Variants in CRB1 observed in about 807,000 individuals in gnomAD.
The protein encoded by CRB1 is protein crumbs homolog 1.
CRB1 carries 83 observed loss-of-function variants against 120.0 expected under a neutral mutation model. The ratio of observed to expected loss-of-function variants is 0.69; its 90% CI spans 0.58 to 0.83. The LOEUF (loss-of-function observed/expected upper bound fraction) is 0.83, where lower values mean the gene tolerates loss of function less well. Among genes scored for constraint, CRB1 ranks in the 40% least tolerant of loss-of-function variants. The probability of loss-of-function intolerance (pLI) is 0.00; values close to 1 mark genes in which losing one functional copy is unlikely to be tolerated. For missense variants in CRB1, 1,699 were observed against 1,687.6 expected (o/e 1.01, Z -0.12); for synonymous variants, 625 against 612.5 (o/e 1.02, Z -0.30).
chr1:197,420,475 C>A (rs1164495643), intron 5 of CRB1, among the ~76,000 whole-genome samples: 1 of 152,052 alleles, frequency 6.6e-6, no homozygotes, highest in Non-Finnish European at 1.5e-5. Flanking sequence ...CCTTAGAAGT[C>A]CTTCATGGTG....
the CRB1 span, among the ~76,000 whole-genome samples, chr1:197,231,944 T>A: frequency 6.6e-6 from 1 of 152,142 alleles, no homozygotes; most frequent in African/African-American, 2.4e-5. Context: ...CTTCATAGTT[T>A]AAGGGACTTT....
chr1:197,279,345 C>G (rs1655392847), intron 1 of CRB1, among the ~76,000 whole-genome samples: 1 of 151,680 alleles, frequency 6.6e-6, no homozygotes, highest in Non-Finnish European at 1.5e-5. Context: ...AGACTAGGAG[C>G]CTTAAAAGAA....
At chr1:197,349,758 A>G (rs1384698556) in intron 4 of CRB1, among the ~76,000 whole-genome samples, 2 of 152,246 alleles carry the variant, frequency 1.3e-5, no homozygotes, top group African/African-American at 4.8e-5. Flanking sequence ...CCACTTGCAG[A>G]TAATAAATGA....
At chr1:197,288,963 T>A (rs1035286422) in intron 1 of CRB1, among the ~76,000 whole-genome samples, 1 of 135,106 alleles carries the variant, frequency 7.4e-6, no homozygotes, top group African/African-American at 2.7e-5. Flanking sequence ...AAACTATGAA[T>A]ACATAGGTTA....
At chr1:197,396,122 A>G (rs1220046889) in intron 5 of CRB1, among the ~76,000 whole-genome samples, 1 of 152,176 alleles carries the variant, frequency 6.6e-6, no homozygotes, top group Non-Finnish European at 1.5e-5. Context: ...AAGAGACTAG[A>G]ACAAATAACT....
intron 6 of CRB1, among the ~76,000 whole-genome samples, chr1:197,424,949 A>G (rs1001890997): frequency 3.9e-5 from 6 of 152,170 alleles, no homozygotes; most frequent in African/African-American, 1.4e-4. Context: ...GTAGCAAATC[A>G]CACATGCTGA....
the CRB1 span, among the ~76,000 whole-genome samples, chr1:197,244,839 C>T: frequency 6.6e-6 from 1 of 151,766 alleles, no homozygotes; most frequent in Non-Finnish European, 1.5e-5. Flanking sequence ...CCACAGATTC[C>T]TTATGCTTAG....
In CRB1 at chr1:197,434,743, A is replaced by T. The variant is rs1023684152; in HGVS notation, c.2880A>T (p.Gln960His). 5 of 1,613,532 alleles carry T rather than the reference A, an allele frequency of 3.1e-6. No individual in the cohort carries two copies. The African/African-American group carries it at 6.7e-5, about 22-fold the overall frequency. The part of the protein sequence containing the change: ...ANAVFNGQSG[Q>H]ILFRSNGNIT... ...CTGTTTTTAATGGACAAAGCGGTCA[A>T]ATATTATTCAGAAGCAATGGGAATA... Residue 960 changes from glutamine (Q) to histidine (H), a missense_variant, in exon 9 of 12, where the codon CAA becomes CAT. Gln to His is a conservative substitution (Grantham distance 24). Transcript: ENST00000367400.
chr1:197,255,971 A>ATG, the CRB1 span, among the ~76,000 whole-genome samples: 1 of 114,268 alleles, frequency 8.8e-6, no homozygotes, highest in African/African-American at 4.1e-5. Flanking sequence ...CATTTTATAT[A>ATG]TATATATATA....
intron 1 of CRB1, among the ~76,000 whole-genome samples, chr1:197,292,656 C>A (rs547605220): frequency 4.5e-4 from 69 of 152,180 alleles, no homozygotes; most frequent in African/African-American, 1.4e-3. Flanking sequence ...ATGAGAAAAT[C>A]CTCAATAAAA....
chr1:197,297,448 C>T (rs1656597175), intron 1 of CRB1, among the ~76,000 whole-genome samples: 1 of 151,982 alleles, frequency 6.6e-6, no homozygotes, highest in African/African-American at 2.4e-5. Flanking sequence ...ATGGCCAGTA[C>T]TTCCATCAAC....
chr1:197,220,965 A>G, the CRB1 span, among the ~76,000 whole-genome samples: 1 of 152,152 alleles, frequency 6.6e-6, no homozygotes, highest in Non-Finnish European at 1.5e-5. Flanking sequence ...ACCCAGTCTC[A>G]GGTAGTTCTG....
At chr1:197,401,205 A>C (rs976377858) in intron 5 of CRB1, among the ~76,000 whole-genome samples, 4 of 151,910 alleles carry the variant, frequency 2.6e-5, no homozygotes, top group African/African-American at 9.7e-5. Context: ...GGGTTTTTTT[A>C]AATTGGTGTT....
rs550148038 is a variant in CRB1, at chr1:197,425,475, A to G, written c.2129-1979A>G. ...AACTTCAGCTGGGCCATATGATGAC[A>G]TTTAGACATGCTGAAATATGCTCTT... On this transcript the variant is annotated intron_variant, in intron 6 of 11. Transcript: ENST00000367400. Among the ~76,000 whole-genome samples, 198 of 152,348 alleles carry G rather than the reference A, an allele frequency of 1.3e-3. 1 individual carries two copies. The highest frequency in any genetic ancestry group is 3.4e-3 in the Middle Eastern group (1 of 294).
intron 5 of CRB1, among the ~76,000 whole-genome samples, chr1:197,368,490 T>C (rs1399465066): frequency 6.6e-6 from 1 of 152,228 alleles, no homozygotes; most frequent in Non-Finnish European, 1.5e-5. Flanking sequence ...AGGACAGGTA[T>C]ACCACGTTAT....
At chr1:197,396,819 C>T (rs899302176) in intron 5 of CRB1, among the ~76,000 whole-genome samples, 2 of 152,074 alleles carry the variant, frequency 1.3e-5, no homozygotes, top group Non-Finnish European at 2.9e-5. Context: ...AAACTAACTC[C>T]ATTAAAACTC....
intron 9 of CRB1, among the ~76,000 whole-genome samples, 164 bp from the exon 10 acceptor site, chr1:197,438,383 G>T (rs1257355560): frequency 6.6e-6 from 1 of 152,162 alleles, no homozygotes; most frequent in African/African-American, 2.4e-5. Context: ...TTTTACTGGA[G>T]AAAGTGATTC....
intron 1 of CRB1, among the ~76,000 whole-genome samples, chr1:197,280,113 C>T (rs757237169): frequency 6.6e-6 from 1 of 151,762 alleles, no homozygotes; most frequent in African/African-American, 2.4e-5. Context: ...CCATATCACA[C>T]GGTCAGAATT....
At chr1:197,316,916 A>C (rs1571826987) in intron 1 of CRB1, among the ~76,000 whole-genome samples, 1 of 149,468 alleles carries the variant, frequency 6.7e-6, no homozygotes. Context: ...GCTACAAAAA[A>C]AAAAAACAAA....
Sources: allele counts gnomAD v4.1 joint callset (sites outside exome capture counted in the v4.1 genomes callset), GRCh38; gene constraint gnomAD v4.1.1; transcripts MANE v1.5; gene names NCBI Gene and HGNC (gene_info 2026-07-23, HGNC 2026-07-21).